C2: variants seen among roughly 807,000 people sequenced by gnomAD.
C2 encodes complement C2.
In C2, 64 loss-of-function variants were observed where a neutral mutation model predicts 85.2. The ratio of observed to expected loss-of-function variants is 0.75; its 90% CI spans 0.61 to 0.92. The LOEUF (loss-of-function observed/expected upper bound fraction) is 0.92. C2 is among the 40% of genes least tolerant of loss of function. The pLI, the probability that C2 is intolerant of heterozygous loss-of-function variation, is 0.00. For synonymous variants in C2, 311 were observed against 370.8 expected (o/e 0.84, Z 1.85); for missense variants, 820 against 971.6 (o/e 0.84, Z 2.07).
In C2 at chr6:31,903,401, A is replaced by G. The variant is rs879406820; in HGVS notation, c.73+2262A>G. ...TCCCAGCACTGTGGGAGGCCGAGGCAGGTGGATCACCTGAGGTCAGGAGTT... is the reference window on the plus strand; with the variant it reads ...TCCCAGCACTGTGGGAGGCCGAGGCGGGTGGATCACCTGAGGTCAGGAGTT... On this transcript the variant is annotated intron_variant, in intron 1 of 3. Coordinates refer to the C2 transcript ENST00000452202. 4.1e-3 allele frequency among the ~76,000 whole-genome samples: 621 copies of G among 151,622 alleles called. 2 individuals are homozygous for G. The highest frequency in any genetic ancestry group is 0.013 in the East Asian group (66 of 5,140).
chr6:31,939,285 T>C lies in C2; in HGVS notation c.1184T>C (p.Ile395Thr), dbSNP rs1299040443. 1 of 1,612,412 alleles carries C rather than the reference T, an allele frequency of 6.2e-7. No homozygotes were observed. Among genetic ancestry groups the C allele is most frequent in the African/African-American group, 1.3e-5 (1 of 74,882 alleles). Residue 395 changes from isoleucine to threonine, a missense_variant, in exon 9 of 18, where the codon ATC becomes ACC. Ile to Thr is a moderately conservative substitution (Grantham distance 89, BLOSUM62 -1). Coordinates refer to ENST00000299367, the MANE Select transcript of C2 (RefSeq NM_000063.6). ...ACAGCTGTTGACCATATCAGAGAGA[T>C]CCTGAACATCAACCAGAAGAGGAAT... ...PKTAVDHIRE[I>T]LNINQKRNDY...
upstream of C2, among the ~76,000 whole-genome samples, chr6:31,917,136 A>G (rs1312067669): frequency 6.7e-6 from 1 of 149,914 alleles, no homozygotes; most frequent in Admixed American, 6.7e-5. Flanking sequence ...GCACCACTGC[A>G]CTCCAGCCTG....
intron 1 of C2, among the ~76,000 whole-genome samples, chr6:31,905,457 T>A (rs1406203595): frequency 2.7e-5 from 4 of 149,148 alleles, no homozygotes; most frequent in Non-Finnish European, 5.9e-5. Flanking sequence ...AAATTAGGAT[T>A]CTTAGTGAGC....
intron 1 of C2, among the ~76,000 whole-genome samples, chr6:31,908,651 C>CAA (rs769417085): frequency 2.8e-5 from 3 of 106,404 alleles, no homozygotes; most frequent in African/African-American, 3.5e-5. Flanking sequence ...GACTTCATCT[C>CAA]AAAAAAAAAA....
upstream of C2, among the ~76,000 whole-genome samples, chr6:31,917,695 C>T (rs939757518): frequency 2.0e-5 from 3 of 151,640 alleles, no homozygotes; most frequent in African/African-American, 7.3e-5. Context: ...CACCTGAGGC[C>T]AGGAGTTGGA....
Position 31,939,243 on chromosome 6 carries a change from TG to T in C2, c.1145del (p.Gly382ValfsTer15), listed in dbSNP as rs1320208329. On this transcript the variant is annotated frameshift_variant, in exon 9 of 18. Coordinates refer to ENST00000299367, the MANE Select transcript of C2 (RefSeq NM_000063.6). LOFTEE classifies it high-confidence loss of function. Reference protein sequence around the residue: ...IILLTDGKSNMGGSPKTAVDH... With the variant: ...IILLTDGKSNXGGSPKTAVDH... The stretch of plus-strand genomic sequence containing the variant: ...CTCTTTGTTCTAGGAAAGTCCAATA[TG>T]GGTGGCTCTCCCAAGACAGCTGTTG... 2 of 1,610,934 alleles carry T rather than the reference TG, an allele frequency of 1.2e-6. No homozygotes were observed. The highest frequency in any genetic ancestry group is 4.5e-5 in the East Asian group (2 of 44,872).
chr6:31,899,930 C>A, upstream of C2: 2 of 1,577,358 alleles, frequency 1.3e-6, no homozygotes, highest in Admixed American at 1.7e-5. Flanking sequence ...GCGCGGCTAG[C>A]GGATGAGGAC....
chr6:31,917,811 CAGG>C (rs1308165105), upstream of C2, among the ~76,000 whole-genome samples: 2 of 151,808 alleles, frequency 1.3e-5, no homozygotes, highest in East Asian at 3.9e-4. Flanking sequence ...GAGGCTGAGG[CAGG>C]AGAATTGCTT....
chr6:31,924,302 C>T (rs1449791395), upstream of C2, among the ~76,000 whole-genome samples: 1 of 152,212 alleles, frequency 6.6e-6, no homozygotes, highest in African/African-American at 2.4e-5. Context: ...AGAATAACAG[C>T]AGCTTAAATG....
At chr6:31,914,813 T>C (rs901181268) in intron 1 of C2, among the ~76,000 whole-genome samples, 4 of 151,802 alleles carry the variant, frequency 2.6e-5, no homozygotes, top group African/African-American at 9.7e-5. Flanking sequence ...CTTGGGAGGC[T>C]GAGGCAGGAG....
At chr6:31,909,887 T>C (rs1767972746) in intron 1 of C2, among the ~76,000 whole-genome samples, 1 of 151,972 alleles carries the variant, frequency 6.6e-6, no homozygotes, top group South Asian at 2.1e-4. Flanking sequence ...TTTTTGTTTT[T>C]TGTTTTTTTT....
chr6:31,901,379 A>C (rs2151691063), intron 1 of C2: 4 of 1,471,744 alleles, frequency 2.7e-6, no homozygotes, highest in Middle Eastern at 2.3e-4. Context: ...TCCGAAGCCA[A>C]GGCTCCAGGA....
At chr6:31,918,928 G>A (rs1487419984), upstream of C2, among the ~76,000 whole-genome samples, 2 of 151,536 alleles carry the variant, frequency 1.3e-5, no homozygotes, top group African/African-American at 4.8e-5. Context: ...TGGTTGGTGG[G>A]TGGTATATAG....
In C2 at chr6:31,928,126, CAG is replaced by C. The variant is rs771656533; in HGVS notation, c.219_220del (p.Gly74SerfsTer7). 9.9e-6 allele frequency: 16 copies of C among 1,613,192 alleles called. No homozygotes were observed. Among genetic ancestry groups the C allele is most frequent in the Non-Finnish European group, 7.6e-6 (9 of 1,179,962 alleles). On this transcript the variant is annotated frameshift_variant, in exon 2 of 18. Transcript: ENST00000299367. LOFTEE classifies it high-confidence loss of function. ...AAGAGCAGCGGACAGTGGCAGACCC[CAG>C]GAGCCACCCGGTCTCTGTCTAAGGC...
At chr6:31,907,569 C>T (rs1264798908) in intron 1 of C2, among the ~76,000 whole-genome samples, 1 of 106,030 alleles carries the variant, frequency 9.4e-6, no homozygotes, top group Non-Finnish European at 1.8e-5. Context: ...GGTGATGGCG[C>T]AAGACCCTGT....
intron 3 of C2, among the ~76,000 whole-genome samples, chr6:31,933,263 G>A (rs2151752387): frequency 6.6e-6 from 1 of 152,334 alleles, no homozygotes; most frequent in South Asian, 2.1e-4. Flanking sequence ...ATGTTTAGTT[G>A]TAGTAGAGGC....
rs147467560 is a variant in C2, at chr6:31,940,292, C to T, written c.1219+972C>T. The stretch of plus-strand genomic sequence containing the variant: ...GCCCAGCATATGTTAGCCATGACCA[C>T]GACCGTCGTCGTTATCATCATCATC... On this transcript the variant is annotated intron_variant, in intron 9 of 17. Transcript: ENST00000299367. 3.3e-3 allele frequency among the ~76,000 whole-genome samples: 506 copies of T among 152,280 alleles called. 2 individuals carry two copies. Among genetic ancestry groups the T allele is most frequent in the Middle Eastern group, 0.02 (6 of 294 alleles).
In C2 at chr6:31,945,100, C is replaced by T. The variant is rs143856440; in HGVS notation, c.2079+71C>T. On this transcript the variant is annotated intron_variant, in intron 17 of 17. Coordinates refer to ENST00000299367, the MANE Select transcript of C2 (RefSeq NM_000063.6). This position sits in a 1 kb window ranked among gnomAD's most constrained non-coding sequence, Gnocchi z 5.3. ...GCCTTGTTGGGGGGATGAGGGAGGC[C>T]TTTGAGGGATCTAGGGAGGTTGGGG... The T allele has an allele frequency of 1.1e-4, 181 of 1,609,548 alleles. No homozygotes were observed. The East Asian group carries it at 4.0e-3, about 36-fold the overall frequency.
At chr6:31,899,777 CTT>C (rs1328111365), upstream of C2, 38 of 809,622 alleles carry the variant, frequency 4.7e-5, 2 homozygotes, top group East Asian at 2.4e-4. Flanking sequence ...AAGGAATCAT[CTT>C]CCCTCTCTCA....
Sources: gnomAD v4.1 joint callset for allele counts (sites outside exome capture counted in the v4.1 genomes callset) on GRCh38, gnomAD v4.1.1 for gene constraint, Gnocchi (gnomAD v3.1) non-coding constraint, MANE v1.5 for transcripts, NCBI Gene and HGNC (gene_info 2026-07-23, HGNC 2026-07-21) for gene names.